Variants in SIPA1L3 observed in about 807,000 individuals in gnomAD.
The protein encoded by SIPA1L3 is signal induced proliferation associated 1 like 3.
Under a neutral mutation model 150.1 loss-of-function variants are expected in SIPA1L3, and 59 were observed. The observed-to-expected ratio is 0.39, with a 90% confidence interval of 0.32 to 0.49. The LOEUF (loss-of-function observed/expected upper bound fraction) is 0.49, where lower values mean the gene tolerates loss of function less well. Among genes scored for constraint, SIPA1L3 ranks in the 20% least tolerant of loss-of-function variants. SIPA1L3 has a pLI of 0.86. For missense variants in SIPA1L3, 2,211 were observed against 2,489.5 expected (o/e 0.89, Z 2.38); for synonymous variants, 1,070 against 1,077.6 (o/e 0.99, Z 0.14).
At chr19:38,094,709 G>A (rs965125494) in intron 4 of SIPA1L3, among the ~76,000 whole-genome samples, 10 of 152,162 alleles carry the variant, frequency 6.6e-5, no homozygotes, top group Non-Finnish European at 1.3e-4. Context: ...GAGGCGGGAA[G>A]ATTGCTTGAG....
At chr19:38,089,276 C>G (rs868641624) in intron 4 of SIPA1L3, among the ~76,000 whole-genome samples, 21 of 149,580 alleles carry the variant, frequency 1.4e-4, no homozygotes, top group Admixed American at 1.1e-3. Context: ...TGAGTTTATG[C>G]CACTGCACTC....
At chr19:38,122,456 C>T (rs892956016) in intron 9 of SIPA1L3, among the ~76,000 whole-genome samples, 16 of 152,198 alleles carry the variant, frequency 1.1e-4, no homozygotes, top group African/African-American at 3.9e-4. Flanking sequence ...TCCCAGAGCC[C>T]TCACCCTGGA....
At chr19:37,996,336 C>T (rs1381264727) in intron 1 of SIPA1L3, among the ~76,000 whole-genome samples, 1 of 152,226 alleles carries the variant, frequency 6.6e-6, no homozygotes, top group Non-Finnish European at 1.5e-5. Flanking sequence ...AATGATCCTT[C>T]CTCCTCAGCC....
chr19:38,073,949 G>A (rs1413988457), intron 2 of SIPA1L3, among the ~76,000 whole-genome samples: 1 of 152,230 alleles, frequency 6.6e-6, no homozygotes, highest in Non-Finnish European at 1.5e-5. Context: ...GTAAGAGCAG[G>A]TGGTATTATA....
At chr19:38,108,215 G>A (rs1970664158) in intron 7 of SIPA1L3, among the ~76,000 whole-genome samples, 1 of 152,168 alleles carries the variant, frequency 6.6e-6, no homozygotes, top group Non-Finnish European at 1.5e-5. Context: ...ACACACAGGA[G>A]GGGCGCAGAG....
intron 15 of SIPA1L3, among the ~76,000 whole-genome samples, chr19:38,180,899 C>G (rs1414693747): frequency 1.3e-5 from 2 of 152,172 alleles, no homozygotes; most frequent in African/African-American, 2.4e-5. Flanking sequence ...ATTTTTCCTA[C>G]TTGGTGTTTG....
chr19:38,124,081 G>T (rs1479773032), intron 9 of SIPA1L3, among the ~76,000 whole-genome samples: 1 of 151,000 alleles, frequency 6.6e-6, no homozygotes, highest in Non-Finnish European at 1.5e-5. Flanking sequence ...CCCGGACGGG[G>T]CGGCTGGCCG....
intron 4 of SIPA1L3, 134 bp downstream of exon 4, chr19:38,088,985 A>G: frequency 1.1e-6 from 1 of 910,254 alleles, no homozygotes. Context: ...CAATCCTGTT[A>G]GTCTCTCCAT....
chr19:38,151,820 C>T (rs982474125), intron 12 of SIPA1L3, among the ~76,000 whole-genome samples: 9 of 151,910 alleles, frequency 5.9e-5, no homozygotes, highest in African/African-American at 1.9e-4. Context: ...AAAAATTAGC[C>T]GGGCGTGTAA....
intron 1 of SIPA1L3, among the ~76,000 whole-genome samples, chr19:37,946,290 C>A (rs2046711200): frequency 6.6e-6 from 1 of 151,628 alleles, no homozygotes; most frequent in Non-Finnish European, 1.5e-5. Flanking sequence ...CTTTCCCTCC[C>A]CACACTTTTT....
intron 12 of SIPA1L3, among the ~76,000 whole-genome samples, chr19:38,148,766 C>T (rs1971756171): frequency 6.6e-6 from 1 of 152,186 alleles, no homozygotes; most frequent in African/African-American, 2.4e-5. Context: ...GGTTCCTCCC[C>T]AGAGTCAGTA....
At chr19:37,939,361 A>G (rs117688643) in intron 1 of SIPA1L3, among the ~76,000 whole-genome samples, 1 of 144,154 alleles carries the variant, frequency 6.9e-6, no homozygotes, top group Admixed American at 7.4e-5. Flanking sequence ...AGATTGCACC[A>G]TGCACTCCAG....
chr19:38,199,393 G>A (rs576077633), intron 19 of SIPA1L3, among the ~76,000 whole-genome samples: 299 of 152,256 alleles, frequency 2.0e-3, no homozygotes, highest in African/African-American at 6.9e-3. Flanking sequence ...CCCCGCAACC[G>A]TGGGCCACAG....
intron 1 of SIPA1L3, among the ~76,000 whole-genome samples, chr19:38,009,586 C>A (rs1165003022): frequency 6.6e-6 from 1 of 152,128 alleles, no homozygotes; most frequent in African/African-American, 2.4e-5. Flanking sequence ...GCTGTTACCT[C>A]ATTTAACCCT....
chr19:38,111,058 C>G lies in SIPA1L3; in HGVS notation c.2291+674C>G, dbSNP rs528910730. The stretch of plus-strand genomic sequence containing the variant: ...TTTTTTTTTAAGACAGGGTCTCACT[C>G]TGTCACCCAGGCTGGAATGCAGTGG... On this transcript the variant is annotated intron_variant, in intron 8 of 21. Coordinates refer to ENST00000222345, the MANE Select transcript of SIPA1L3 (RefSeq NM_015073.3). Among the ~76,000 whole-genome samples, 25 of 149,354 alleles carry G rather than the reference C, an allele frequency of 1.7e-4. 2 individuals carry two copies. In the South Asian group the frequency reaches 4.3e-3, roughly 25 times the overall value.
intron 1 of SIPA1L3, among the ~76,000 whole-genome samples, chr19:37,913,160 C>G (rs995518192): frequency 6.6e-6 from 1 of 152,068 alleles, no homozygotes; most frequent in Non-Finnish European, 1.5e-5. Context: ...GTCTTTACCT[C>G]GGGGGTCGCT....
chr19:38,002,218 C>A (rs1967822219), intron 1 of SIPA1L3, among the ~76,000 whole-genome samples: 2 of 152,182 alleles, frequency 1.3e-5, no homozygotes, highest in South Asian at 4.1e-4. Context: ...GACCCCAGTC[C>A]CTGGAAGCCA....
intron 16 of SIPA1L3, chr19:38,186,060 C>G (rs936340692): frequency 6.6e-6 from 1 of 152,358 alleles, no homozygotes; most frequent in African/African-American, 2.4e-5. Context: ...TCTGTCACCC[C>G]CATGGGGCCC....
chr19:38,197,278 G>A (rs1972981202), intron 18 of SIPA1L3, among the ~76,000 whole-genome samples: 1 of 152,088 alleles, frequency 6.6e-6, no homozygotes, highest in South Asian at 2.1e-4. Context: ...TGGTCTCTCT[G>A]TACCTGGCTG....
Sources: gnomAD v4.1 joint callset for allele counts (sites outside exome capture counted in the v4.1 genomes callset) on GRCh38, gnomAD v4.1.1 for gene constraint, MANE v1.5 for transcripts, NCBI Gene and HGNC (gene_info 2026-07-23, HGNC 2026-07-21) for gene names.